The following GNAO1 variants were observed in gnomAD, a reference collection of about 807,000 sequenced individuals.
GNAO1 encodes G protein subunit alpha o1.
For missense variants in GNAO1, 166 were observed against 478.7 expected (o/e 0.35, Z 6.10); for synonymous variants, 164 against 180.7 (o/e 0.91, Z 0.74).
Position 56,311,162 on chromosome 16 carries a change from G to T in GNAO1, c.304-17469G>T, listed in dbSNP as rs1024324439. On this transcript the variant is annotated intron_variant, in intron 3 of 8. Coordinates refer to ENST00000262493, the MANE Select transcript of GNAO1 (RefSeq NM_020988.3). The surrounding 1 kb of genome is among the most constrained non-coding windows in gnomAD (Gnocchi z 5.2). ...CTGGCTTCTATCTACCCTGGCCAGG[G>T]TGTGGGGCTTGGGGGTGGAGATGGG... 3.3e-5 allele frequency among the ~76,000 whole-genome samples: 5 copies of T among 151,180 alleles called. No homozygotes were observed. The East Asian group carries it at 9.7e-4, about 29-fold the overall frequency.
chr16:56,210,725 G>C (rs2036378515), intron 2 of GNAO1, among the ~76,000 whole-genome samples: 2 of 152,128 alleles, frequency 1.3e-5, no homozygotes. Context: ...CCTTTGGTGA[G>C]GTGTCTGTTA....
At chr16:56,279,917 C>T (rs376081885) in intron 3 of GNAO1, among the ~76,000 whole-genome samples, 7 of 152,338 alleles carry the variant, frequency 4.6e-5, no homozygotes, top group South Asian at 2.1e-4. Context: ...ATCTTTGGGT[C>T]ACCTCCTCAC....
At chr16:56,337,784 C>T (rs1353541176) in intron 6 of GNAO1, among the ~76,000 whole-genome samples, 1 of 152,206 alleles carries the variant, frequency 6.6e-6, no homozygotes, top group African/African-American at 2.4e-5. Flanking sequence ...TGCAGGTCCA[C>T]TGCGTGGTCC....
At chr16:56,289,179 G>A (rs1271905460) in intron 3 of GNAO1, among the ~76,000 whole-genome samples, 1 of 152,218 alleles carries the variant, frequency 6.6e-6, no homozygotes, top group Non-Finnish European at 1.5e-5. Flanking sequence ...CTAGCAGGAG[G>A]GGCAGCCTTG....
chr16:56,217,286 A>C (rs1407669512), intron 2 of GNAO1, among the ~76,000 whole-genome samples: 5 of 152,364 alleles, frequency 3.3e-5, no homozygotes, highest in African/African-American at 9.6e-5. Flanking sequence ...AAAAAGTGAC[A>C]GACTGGGTAT....
At chr16:56,302,003 C>T (rs62038118) in intron 3 of GNAO1, 8,754 of 152,240 alleles carry the variant, frequency 0.058, 346 homozygotes, top group Middle Eastern at 0.16. Flanking sequence ...TGAACGCCCC[C>T]GCCCAGGGGT....
chr16:56,321,131 G>A (rs2037567588), intron 3 of GNAO1, among the ~76,000 whole-genome samples: 2 of 152,218 alleles, frequency 1.3e-5, no homozygotes, highest in South Asian at 4.1e-4. Flanking sequence ...GAATGGGAGG[G>A]GGTCTTCCTG....
intron 2 of GNAO1, among the ~76,000 whole-genome samples, chr16:56,218,777 AG>A (rs1165939291): frequency 6.6e-6 from 1 of 152,060 alleles, no homozygotes; most frequent in Non-Finnish European, 1.5e-5. Flanking sequence ...CTATTCCTGG[AG>A]GCATCTTCAC....
At chr16:56,312,146 C>A (rs1453019839) in intron 3 of GNAO1, among the ~76,000 whole-genome samples, 1 of 152,148 alleles carries the variant, frequency 6.6e-6, no homozygotes, top group Non-Finnish European at 1.5e-5. Flanking sequence ...CTCGGAAGAC[C>A]AGGCCACTAA....
intron 6 of GNAO1, among the ~76,000 whole-genome samples, chr16:56,338,229 T>C (rs2037761791): frequency 6.6e-6 from 1 of 152,152 alleles, no homozygotes. Context: ...GTGTACAGGC[T>C]TACCCACCTG....
intron 3 of GNAO1, 65 bp from the exon 4 acceptor site, chr16:56,328,556 GGGAGAGCCCT>G: frequency 6.7e-7 from 1 of 1,482,884 alleles, no homozygotes; most frequent in Non-Finnish European, 9.3e-7. Context: ...TCCCCGCTAG[GGGAGAGCCCT>G]TGGCTGGCAG....
chr16:56,321,525 C>G (rs2037571139), intron 3 of GNAO1, among the ~76,000 whole-genome samples: 1 of 152,162 alleles, frequency 6.6e-6, no homozygotes, highest in South Asian at 2.1e-4. Context: ...TTTGTCCACC[C>G]CAGACTCTTC....
chr16:56,284,945 C>G (rs900850792), intron 3 of GNAO1, among the ~76,000 whole-genome samples: 1 of 152,214 alleles, frequency 6.6e-6, no homozygotes, highest in Admixed American at 6.5e-5. Flanking sequence ...GTTCCCACAG[C>G]GGTGGCTCAG....
chr16:56,228,297 C>T (rs527867122), intron 2 of GNAO1, among the ~76,000 whole-genome samples: 63 of 152,152 alleles, frequency 4.1e-4, no homozygotes, highest in Non-Finnish European at 6.9e-4. Context: ...GCAGGGTTCT[C>T]CTGGCATTTC....
chr16:56,337,663 G>C (rs1302995078), intron 6 of GNAO1, among the ~76,000 whole-genome samples: 1 of 152,238 alleles, frequency 6.6e-6, no homozygotes, highest in East Asian at 1.9e-4. Context: ...ACCTGCCTGT[G>C]GGGGGCTGTT....
intron 2 of GNAO1, among the ~76,000 whole-genome samples, chr16:56,234,753 G>T (rs936332332): frequency 6.6e-6 from 1 of 152,200 alleles, no homozygotes; most frequent in East Asian, 1.9e-4. Flanking sequence ...CTATTCCAGT[G>T]ACCACATTGG....
At chr16:56,239,195 C>T (rs1208467924) in intron 2 of GNAO1, among the ~76,000 whole-genome samples, 12 of 152,220 alleles carry the variant, frequency 7.9e-5, no homozygotes, top group Non-Finnish European at 1.5e-4. Context: ...CCTGCTTTAG[C>T]TGTGATTATG....
intron 6 of GNAO1, among the ~76,000 whole-genome samples, chr16:56,350,426 C>T (rs141521116): frequency 1.3e-5 from 2 of 152,306 alleles, no homozygotes; most frequent in East Asian, 1.9e-4. Flanking sequence ...GAAAGATGCC[C>T]TCTGTGCTGC....
At chr16:56,336,894 C>T (rs377359901) in intron 6 of GNAO1, 34 bp downstream of exon 6, 14 of 1,588,416 alleles carry the variant, frequency 8.8e-6, no homozygotes, top group Admixed American at 1.7e-5. Flanking sequence ...CAGGGGGCAG[C>T]GCTGAGGAGA....
Sources: gnomAD v4.1 joint callset for allele counts (sites outside exome capture counted in the v4.1 genomes callset) on GRCh38, gnomAD v4.1.1 for gene constraint, Gnocchi (gnomAD v3.1) non-coding constraint, MANE v1.5 for transcripts, NCBI Gene and HGNC (gene_info 2026-07-23, HGNC 2026-07-21) for gene names.